Variants in DACH2 observed in about 807,000 individuals in gnomAD.
DACH2 encodes the protein dachshund homolog 2.
DACH2 carries 17 observed loss-of-function variants against 35.8 expected under a neutral mutation model. That is an observed-to-expected ratio of 0.48 (90% CI 0.33 to 0.71). The LOEUF (loss-of-function observed/expected upper bound fraction) is 0.71, where lower values mean the gene tolerates loss of function less well. Ranked by LOEUF, DACH2 falls within the 30% of genes least tolerant of loss-of-function variation. DACH2 has a pLI of 0.02. For missense variants in DACH2, 469 were observed against 472.7 expected (o/e 0.99, Z 0.07); for synonymous variants, 195 against 177.3 (o/e 1.10, Z -0.79).
intron 2 of DACH2, among the ~76,000 whole-genome samples, chrX:86,459,480 G>A (rs1271250999): frequency 3.6e-5 from 4 of 111,708 alleles, no homozygotes; most frequent in African/African-American, 1.3e-4. Context: ...TTGCTCATTT[G>A]AATGCTTGGG....
At chrX:86,615,354 G>A (rs771166884) in intron 3 of DACH2, among the ~76,000 whole-genome samples, 14 of 111,513 alleles carry the variant, frequency 1.3e-4, no homozygotes, top group African/African-American at 3.6e-4. Context: ...TTACATAGGC[G>A]AGAACTAAAG....
intron 3 of DACH2, among the ~76,000 whole-genome samples, chrX:86,517,523 T>A (rs938610405): frequency 4.6e-5 from 5 of 108,279 alleles, no homozygotes; most frequent in Non-Finnish European, 1.9e-5. Context: ...CTCACGCCAT[T>A]CTCCTGCCTC....
intron 3 of DACH2, among the ~76,000 whole-genome samples, chrX:86,520,938 CATT>C (rs1252951964): frequency 1.8e-5 from 2 of 111,320 alleles, no homozygotes; most frequent in Non-Finnish European, 3.8e-5. Flanking sequence ...TTTATCCTGT[CATT>C]GTGCTATTAG....
chrX:86,374,499 C>T (rs2035935137), intron 1 of DACH2, among the ~76,000 whole-genome samples: 1 of 110,443 alleles, frequency 9.1e-6, no homozygotes, highest in Non-Finnish European at 1.9e-5. Flanking sequence ...GTAGAGAACC[C>T]TCACTGCTTA....
intron 1 of DACH2, among the ~76,000 whole-genome samples, chrX:86,189,562 G>C (rs775239976): frequency 9.0e-6 from 1 of 111,539 alleles, no homozygotes; most frequent in Non-Finnish European, 1.9e-5. Context: ...TAGCGTGTTT[G>C]TTAGTTTAAG....
Position 86,691,642 on chromosome X carries a change from G to A in DACH2, c.773-3379G>A, listed in dbSNP as rs770799839. Among the ~76,000 whole-genome samples the A allele has an allele frequency of 7.2e-5, 8 of 111,607 alleles. No individual in the cohort carries two copies. In the South Asian group the frequency reaches 3.0e-3, roughly 42 times the overall value. ...AACTCGCACAGAGGAAAGAGCATGT[G>A]AGGACATAGGGGAAAACACAGTCAT... On this transcript the variant is annotated intron_variant, in intron 4 of 11. Coordinates refer to ENST00000373125, the MANE Select transcript of DACH2 (RefSeq NM_053281.3).
At chrX:86,439,719 TTAA>T (rs2037129072) in intron 2 of DACH2, among the ~76,000 whole-genome samples, 1 of 111,869 alleles carries the variant, frequency 8.9e-6, no homozygotes, top group Non-Finnish European at 1.9e-5. Flanking sequence ...GATTAGATTA[TTAA>T]TTTTATATTT....
chrX:86,421,371 G>A lies in DACH2; in HGVS notation c.527+44509G>A, dbSNP rs766516131. Among the ~76,000 whole-genome samples the A allele has an allele frequency of 4.5e-5, 5 of 111,134 alleles. No individual in the cohort carries two copies. In the South Asian group the frequency reaches 1.9e-3, roughly 41 times the overall value. On this transcript the variant is annotated intron_variant, in intron 2 of 11. Coordinates refer to ENST00000373125, the MANE Select transcript of DACH2 (RefSeq NM_053281.3). ...TTTGGTGGTGTTAAGTAAAGAGGTAGGTCTTTTAAGAGTGACAGATCAGTG... is the reference window on the plus strand; with the variant it reads ...TTTGGTGGTGTTAAGTAAAGAGGTAAGTCTTTTAAGAGTGACAGATCAGTG...
intron 3 of DACH2, among the ~76,000 whole-genome samples, chrX:86,598,720 G>T (rs1276673910): frequency 3.7e-5 from 4 of 109,445 alleles, no homozygotes; most frequent in Non-Finnish European, 5.7e-5. Flanking sequence ...GTATTTAAGA[G>T]TACCCTTAAG....
intron 1 of DACH2, among the ~76,000 whole-genome samples, chrX:86,294,651 C>T (rs1277733337): frequency 3.6e-5 from 4 of 109,648 alleles, no homozygotes; most frequent in African/African-American, 1.3e-4. Context: ...CAGACAGGGC[C>T]CTCATCTGCA....
chrX:86,760,234 G>A (rs34842252), intron 7 of DACH2, among the ~76,000 whole-genome samples: 33,960 of 110,275 alleles, frequency 0.31, 4,013 homozygotes, highest in Middle Eastern at 0.41. Context: ...ATCTGTGTGC[G>A]CAAGTCTCTT....
chrX:86,285,470 T>C (rs1177631172), intron 1 of DACH2, among the ~76,000 whole-genome samples: 1 of 112,201 alleles, frequency 8.9e-6, no homozygotes, highest in Admixed American at 9.5e-5. Context: ...TGTGTATTTA[T>C]ATAGTTTCCA....
At chrX:86,261,761 A>G (rs1209743517) in intron 1 of DACH2, among the ~76,000 whole-genome samples, 1 of 111,244 alleles carries the variant, frequency 9.0e-6, no homozygotes, top group Admixed American at 9.6e-5. Flanking sequence ...AGAGGTCAAT[A>G]AAATAAGCTC....
chrX:86,398,900 T>C (rs1371871424), intron 2 of DACH2, among the ~76,000 whole-genome samples: 1 of 111,924 alleles, frequency 8.9e-6, no homozygotes, highest in Non-Finnish European at 1.9e-5. Flanking sequence ...GTCTATTAGG[T>C]CCACTTGGTG....
chrX:86,809,773 G>A (rs1224021751), intron 7 of DACH2, among the ~76,000 whole-genome samples: 1 of 110,775 alleles, frequency 9.0e-6, no homozygotes, highest in African/African-American at 3.3e-5. Context: ...AGAGTCCAGG[G>A]TTATCTCATC....
chrX:86,706,048 T>A (rs2041212459), intron 5 of DACH2, among the ~76,000 whole-genome samples: 1 of 111,233 alleles, frequency 9.0e-6, no homozygotes. Flanking sequence ...GCTATGTGTA[T>A]GAAAAGAAAT....
intron 3 of DACH2, among the ~76,000 whole-genome samples, chrX:86,587,623 G>C (rs1196077696): frequency 9.0e-6 from 1 of 111,453 alleles, no homozygotes; most frequent in Non-Finnish European, 1.9e-5. Flanking sequence ...ACATGAACCT[G>C]TGATGTTTAT....
chrX:86,594,032 T>C (rs1467157618), intron 3 of DACH2, among the ~76,000 whole-genome samples: 1 of 111,761 alleles, frequency 8.9e-6, no homozygotes, highest in Non-Finnish European at 1.9e-5. Flanking sequence ...TTAATAAATA[T>C]GATCCTCATC....
At chrX:86,515,283 T>A (rs1385423862) in intron 3 of DACH2, among the ~76,000 whole-genome samples, 1 of 110,917 alleles carries the variant, frequency 9.0e-6, no homozygotes, top group Non-Finnish European at 1.9e-5. Context: ...TACAAGGTGC[T>A]ATAATATCAT....
Sources: allele counts gnomAD v4.1 joint callset (sites outside exome capture counted in the v4.1 genomes callset), GRCh38; gene constraint gnomAD v4.1.1; transcripts MANE v1.5; gene names NCBI Gene and HGNC (gene_info 2026-07-23, HGNC 2026-07-21).